TNS1: variants seen among roughly 807,000 people sequenced by gnomAD.
TNS1 encodes tensin-1.
Under a neutral mutation model 168.6 loss-of-function variants are expected in TNS1, and 62 were observed. The ratio of observed to expected loss-of-function variants is 0.37; its 90% CI spans 0.30 to 0.45. TNS1 has a LOEUF of 0.45. Among genes scored for constraint, TNS1 ranks in the 20% least tolerant of loss-of-function variants. The pLI, the probability that TNS1 is intolerant of heterozygous loss-of-function variation, is 1.00. For missense variants in TNS1, 2,240 were observed against 2,339.4 expected (o/e 0.96, Z 0.88); for synonymous variants, 934 against 933.2 (o/e 1.00, Z -0.02).
intron 2 of TNS1, among the ~76,000 whole-genome samples, chr2:217,982,809 T>C (rs1486856739): frequency 6.6e-6 from 1 of 152,210 alleles, no homozygotes; most frequent in Non-Finnish European, 1.5e-5. Flanking sequence ...AGGTAGCAGA[T>C]GCTGGGAACC....
At chr2:217,961,260 C>CAGAG (rs139190494) in intron 3 of TNS1, among the ~76,000 whole-genome samples, 4 of 139,922 alleles carry the variant, frequency 2.9e-5, no homozygotes, top group Non-Finnish European at 6.1e-5. Flanking sequence ...CACACACACA[C>CAGAG]AGAGAGAGAG....
chr2:218,026,821 T>C (rs562694210), intron 1 of TNS1, among the ~76,000 whole-genome samples: 1 of 152,292 alleles, frequency 6.6e-6, no homozygotes, highest in South Asian at 2.1e-4. Flanking sequence ...GGGTCTAAGG[T>C]CCCAAGAAAG....
chr2:217,814,722 A>T (rs1052990732), intron 25 of TNS1, among the ~76,000 whole-genome samples, 190 bp downstream of exon 25: 1 of 152,192 alleles, frequency 6.6e-6, no homozygotes, highest in Non-Finnish European at 1.5e-5. Flanking sequence ...GGTGTCTACA[A>T]CTACTGCTTC....
chr2:218,029,433 T>C (rs375787735), intron 1 of TNS1, among the ~76,000 whole-genome samples: 4 of 152,350 alleles, frequency 2.6e-5, no homozygotes, highest in African/African-American at 9.6e-5. Context: ...TCTGGCTTCA[T>C]GATCTTCAAA....
chr2:217,955,433 C>T (rs1432755281), intron 3 of TNS1, among the ~76,000 whole-genome samples: 1 of 152,110 alleles, frequency 6.6e-6, no homozygotes, highest in East Asian at 1.9e-4. Flanking sequence ...AGCCTTCCTC[C>T]CGCACAGTGC....
At chr2:217,858,617 A>G in intron 18 of TNS1, 1 of 978,196 alleles carries the variant, frequency 1.0e-6, no homozygotes, top group Non-Finnish European at 1.2e-6. Flanking sequence ...GTCCTACTCA[A>G]GCTCCCTCCG....
intron 18 of TNS1, among the ~76,000 whole-genome samples, chr2:217,877,839 C>T (rs78461212): frequency 0.018 from 2,787 of 152,262 alleles, 94 homozygotes; most frequent in African/African-American, 0.064. Flanking sequence ...ACAGGCCACA[C>T]GAGAGGATGC....
chr2:217,987,886 A>G (rs1330110441), intron 2 of TNS1, among the ~76,000 whole-genome samples: 1 of 152,110 alleles, frequency 6.6e-6, no homozygotes, highest in Admixed American at 6.5e-5. Context: ...GGGTGAATGG[A>G]TGGATGAGGG....
Position 217,804,395 on chromosome 2 carries a change from A to T in TNS1, c.*64T>A, listed in dbSNP as rs374983788. 6.3e-7 allele frequency: 1 copy of T among 1,599,736 alleles called. No homozygotes were observed. The highest frequency in any genetic ancestry group is 8.5e-7 in the Non-Finnish European group (1 of 1,172,412). On this transcript the variant is annotated 3_prime_UTR_variant, in exon 33 of 33. Coordinates refer to ENST00000682258, the MANE Select transcript of TNS1 (RefSeq NM_001387777.1). ...CCTTCTGGGTTCAAGAGTGGTCAGG[A>T]TTCATGGGTCCCCTCCCCACAAGCC...
chr2:217,855,178 C>T (rs1173969734), intron 18 of TNS1, among the ~76,000 whole-genome samples: 1 of 152,190 alleles, frequency 6.6e-6, no homozygotes, highest in Non-Finnish European at 1.5e-5. Context: ...TCCCAACAGG[C>T]CTCTGCCTAC....
chr2:217,976,153 C>A (rs192920284), intron 3 of TNS1, among the ~76,000 whole-genome samples: 1 of 152,196 alleles, frequency 6.6e-6, no homozygotes, highest in Admixed American at 6.5e-5. Context: ...CAGCTCATTC[C>A]CTTCAAAACT....
intron 6 of TNS1, 40 bp downstream of exon 6, chr2:217,906,295 A>G: frequency 2.8e-6 from 1 of 358,408 alleles, no homozygotes; most frequent in Non-Finnish European, 5.4e-6. Flanking sequence ...CCTGGCCACC[A>G]GGGCCCAGCC....
chr2:218,014,903 G>GGAAA (rs1371460099), upstream of TNS1, among the ~76,000 whole-genome samples: 4 of 142,376 alleles, frequency 2.8e-5, no homozygotes, highest in Non-Finnish European at 6.4e-5. Context: ...AAGGAAGGAA[G>GGAAA]GAAGGAAGGA....
At position 217,802,384 on chromosome 2, in the gene TNS1, C is replaced by T. The variant is rs1424588712; in HGVS notation, c.*2075G>A. ...CCCTGAAACAGAACGTCCACACTGA[C>T]ACAGCTCCTTGGAGGAGAAAAAATA... is the stretch of plus-strand genomic sequence containing the variant. On this transcript the variant is annotated 3_prime_UTR_variant, in exon 33 of 33. Coordinates refer to ENST00000682258, the MANE Select transcript of TNS1 (RefSeq NM_001387777.1). The T allele has an allele frequency of 6.6e-6, 1 of 152,292 alleles. No individual in the cohort carries two copies. Among genetic ancestry groups the T allele is most frequent in the Non-Finnish European group, 1.5e-5 (1 of 68,076 alleles). 9.4% of individuals were successfully genotyped at this position (152,292 alleles called of 1,614,324 possible).
Position 217,813,755 on chromosome 2 carries a change from G to A in TNS1, c.4791C>T (p.Phe1597=), listed in dbSNP as rs554366861. Reference sequence around the variant, plus strand: ...TCATGGCCAGCCCGTACGCGCCTCGGAAGGAGTGACTGTCGCGGATGATGA... The same window carrying A: ...TCATGGCCAGCCCGTACGCGCCTCGAAAGGAGTGACTGTCGCGGATGATGA... ...GAFIIRDSHS[F]RGAYGLAMKV... Residue 1597 remains phenylalanine (F), a synonymous_variant, in exon 26 of 33, where the codon TTC becomes TTT. Coordinates refer to ENST00000682258, the MANE Select transcript of TNS1 (RefSeq NM_001387777.1). This position sits in a 1 kb window ranked among gnomAD's most constrained non-coding sequence, Gnocchi z 4.0. 88 of 1,614,068 alleles carry A rather than the reference G, an allele frequency of 5.5e-5. 2 individuals carry two copies. The South Asian group carries it at 8.7e-4, about 16-fold the overall frequency.
intron 19 of TNS1, among the ~76,000 whole-genome samples, chr2:217,843,998 C>G (rs946318808): frequency 1.2e-4 from 18 of 152,188 alleles, no homozygotes; most frequent in African/African-American, 4.3e-4. Context: ...TCAAACTCAA[C>G]ATGTCTAACA....
chr2:217,838,482 T>C (rs1006372442), intron 19 of TNS1, among the ~76,000 whole-genome samples: 2 of 152,184 alleles, frequency 1.3e-5, no homozygotes, highest in South Asian at 2.1e-4. Context: ...CGTGGGAGCA[T>C]GTTCTGACCA....
At chr2:217,923,907 C>A (rs1354108516) in intron 3 of TNS1, among the ~76,000 whole-genome samples, 1 of 152,170 alleles carries the variant, frequency 6.6e-6, no homozygotes, top group African/African-American at 2.4e-5. Context: ...AGCCCCCACA[C>A]CCACTAGTAT....
chr2:217,897,572 T>A (rs1462609933), intron 8 of TNS1, among the ~76,000 whole-genome samples: 2 of 151,932 alleles, frequency 1.3e-5, no homozygotes, highest in African/African-American at 4.8e-5. Context: ...ACACACAGAG[T>A]TCCAGATGCT....
Sources: allele counts gnomAD v4.1 joint callset (sites outside exome capture counted in the v4.1 genomes callset), GRCh38; gene constraint gnomAD v4.1.1; non-coding constraint Gnocchi (gnomAD v3.1); transcripts MANE v1.5; gene names NCBI Gene and HGNC (gene_info 2026-07-23, HGNC 2026-07-21).